The following TAF2 variants were observed in gnomAD, a reference collection of about 807,000 sequenced individuals.
TAF2 encodes TATA-box binding protein associated factor 2.
A neutral mutation model predicts 138.5 loss-of-function variants in TAF2; 61 were observed. That is an observed-to-expected ratio of 0.44 (90% CI 0.36 to 0.54). The LOEUF (loss-of-function observed/expected upper bound fraction) is 0.54, where lower values mean the gene tolerates loss of function less well. TAF2 is among the 20% of genes least tolerant of loss of function. The pLI, the probability that TAF2 is intolerant of heterozygous loss-of-function variation, is 0.00. For missense variants in TAF2, 1,090 were observed against 1,427.9 expected (o/e 0.76, Z 3.81); for synonymous variants, 475 against 469.9 (o/e 1.01, Z -0.14).
chr8:119,778,747 TA>T lies in TAF2; in HGVS notation c.2254-619del, dbSNP rs1283960411. Among the ~76,000 whole-genome samples the T allele has an allele frequency of 3.9e-5, 6 of 152,202 alleles. No homozygotes were observed. The East Asian group carries it at 1.2e-3, about 29-fold the overall frequency. On this transcript the variant is annotated intron_variant, in intron 17 of 25. Coordinates refer to ENST00000378164, the MANE Select transcript of TAF2 (RefSeq NM_003184.4). ...ATGGTAAATTATCTGAAATGCAGCC[TA>T]ATTTTTCTCTTTCCAAATTTTCATA...
At chr8:119,734,428 C>G (rs1404707155) in intron 25 of TAF2, among the ~76,000 whole-genome samples, 2 of 152,166 alleles carry the variant, frequency 1.3e-5, no homozygotes, top group Non-Finnish European at 2.9e-5. Flanking sequence ...ACAGACATCA[C>G]CACAGAAGCT....
chr8:119,764,327 T>A (rs1304555921), intron 18 of TAF2, among the ~76,000 whole-genome samples: 1 of 152,208 alleles, frequency 6.6e-6, no homozygotes, highest in Non-Finnish European at 1.5e-5. Context: ...TCTGAAGTAC[T>A]AAGTCATATA....
chr8:119,810,503 A>G (rs1389918398), intron 3 of TAF2, among the ~76,000 whole-genome samples: 1 of 152,206 alleles, frequency 6.6e-6, no homozygotes, highest in African/African-American at 2.4e-5. Flanking sequence ...CTGTAGTACA[A>G]ATACCTAACA....
chr8:119,781,224 C>T (rs767977651), intron 16 of TAF2, 31 bp from the exon 17 acceptor site: 2 of 1,612,924 alleles, frequency 1.2e-6, no homozygotes, highest in South Asian at 2.2e-5. Flanking sequence ...AAGTAATTTC[C>T]ATTACCAATG....
At chr8:119,735,543 G>A (rs1323588222) in intron 25 of TAF2, among the ~76,000 whole-genome samples, 1 of 152,098 alleles carries the variant, frequency 6.6e-6, no homozygotes, top group African/African-American at 2.4e-5. Flanking sequence ...AAGTTTCTGT[G>A]CTCACTTATT....
chr8:119,749,414 A>G (rs888297155), intron 22 of TAF2, among the ~76,000 whole-genome samples: 1 of 152,214 alleles, frequency 6.6e-6, no homozygotes, highest in Non-Finnish European at 1.5e-5. Context: ...TAAAAAATGA[A>G]TAACAGTACT....
chr8:119,809,610 T>C (rs1192676902), intron 3 of TAF2, among the ~76,000 whole-genome samples: 2 of 152,202 alleles, frequency 1.3e-5, no homozygotes, highest in Non-Finnish European at 2.9e-5. Context: ...TATGAGACTC[T>C]TCCTTTCACT....
chr8:119,815,433 C>G (rs989146453), intron 3 of TAF2, among the ~76,000 whole-genome samples: 2 of 151,816 alleles, frequency 1.3e-5, no homozygotes, highest in African/African-American at 2.4e-5. Context: ...TGCCACCACA[C>G]CTGGCTAATT....
intron 3 of TAF2, among the ~76,000 whole-genome samples, chr8:119,812,069 T>G (rs1470474195): frequency 6.6e-6 from 1 of 152,110 alleles, no homozygotes; most frequent in African/African-American, 2.4e-5. Context: ...CCATTTAAAC[T>G]TTGTTGCACG....
intron 18 of TAF2, among the ~76,000 whole-genome samples, chr8:119,773,560 A>T (rs1821998885): frequency 6.6e-6 from 1 of 151,558 alleles, no homozygotes; most frequent in African/African-American, 2.4e-5. Context: ...AGATACTCAC[A>T]TCTTATGAGG....
chr8:119,772,415 A>G lies in TAF2; in HGVS notation c.2364+5604T>C, dbSNP rs546090248. Among the ~76,000 whole-genome samples the G allele has an allele frequency of 4.6e-5, 7 of 152,330 alleles. No individual in the cohort carries two copies. In the East Asian group the frequency reaches 1.4e-3, roughly 29 times the overall value. On this transcript the variant is annotated intron_variant, in intron 18 of 25. Transcript: ENST00000378164. ...CTAAACAATGGGAACACATGGACAT[A>G]AAGAAGGAAATAATAGAAACTGGGA...
At chr8:119,830,724 T>C (rs745931682) in intron 2 of TAF2, among the ~76,000 whole-genome samples, 4 of 152,200 alleles carry the variant, frequency 2.6e-5, no homozygotes, top group Non-Finnish European at 4.4e-5. Flanking sequence ...GACAGAGAAG[T>C]TGATACCATC....
chr8:119,808,508 C>T (rs117774060), intron 3 of TAF2, among the ~76,000 whole-genome samples: 4,651 of 152,296 alleles, frequency 0.031, 87 homozygotes, highest in South Asian at 0.044. Flanking sequence ...GACCTCCTCC[C>T]TAAATCATGA....
At chr8:119,795,270 A>C (rs1286498626) in intron 9 of TAF2, among the ~76,000 whole-genome samples, 5 of 152,170 alleles carry the variant, frequency 3.3e-5, no homozygotes, top group African/African-American at 1.2e-4. Flanking sequence ...GACTACTATA[A>C]GGAGCTGGGA....
intron 25 of TAF2, among the ~76,000 whole-genome samples, chr8:119,733,956 G>A (rs1473804959): frequency 2.6e-5 from 4 of 152,180 alleles, no homozygotes. Context: ...GTTCACAGCA[G>A]TGGTTCTCAG....
chr8:119,830,119 C>T lies in TAF2; in HGVS notation c.138+1558G>A, dbSNP rs566904348. On this transcript the variant is annotated intron_variant, in intron 2 of 25. Transcript: ENST00000378164. ...TTCACCGTGTTAGCCAGGATGGTTT[C>T]GATCTCCTGACCTCATGATCCACCC... 7.2e-5 allele frequency among the ~76,000 whole-genome samples: 11 copies of T among 151,952 alleles called. No individual in the cohort carries two copies. The South Asian group carries it at 1.9e-3, about 26-fold the overall frequency.
rs4871634 is a variant in TAF2, at chr8:119,806,243, G to A, written c.418+40C>T. 471,904 of 1,515,860 alleles carry A rather than the reference G, an allele frequency of 0.31. 78,521 individuals carry two copies. Among genetic ancestry groups the A allele is most frequent in the Admixed American group, 0.48 (28,566 of 59,758 alleles). The allele number at this position is 1,515,860 out of a possible 1,614,324, so 93.9% of individuals were successfully genotyped here. A position where few individuals can be genotyped will look rare whatever the true frequency, so the allele number is the denominator to read the frequency against. Reference sequence around the variant, plus strand: ...AAATTCTCTAGTGTCTGAATCTAACGTGATTTTAGTGTACAGTCAATATAC... The same window carrying A: ...AAATTCTCTAGTGTCTGAATCTAACATGATTTTAGTGTACAGTCAATATAC... On this transcript the variant is annotated intron_variant, in intron 4 of 25. Transcript: ENST00000378164.
At chr8:119,816,694 A>G (rs558407110) in intron 3 of TAF2, among the ~76,000 whole-genome samples, 16 of 152,298 alleles carry the variant, frequency 1.1e-4, no homozygotes, top group South Asian at 4.1e-4. Flanking sequence ...TGTCTTTTTC[A>G]TATCTAACTG....
rs755431900 is a variant in TAF2, at chr8:119,806,274, G to A, written c.418+9C>T. The A allele has an allele frequency of 6.2e-7, 1 of 1,606,322 alleles. No individual in the cohort carries two copies. The highest frequency in any genetic ancestry group is 8.5e-7 in the Non-Finnish European group (1 of 1,173,096). On this transcript the variant is annotated intron_variant, in intron 4 of 25. Coordinates refer to ENST00000378164, the MANE Select transcript of TAF2 (RefSeq NM_003184.4). ...TTAGTGTACAGTCAATATACTCTTG[G>A]TGCTTTACCATCAACGTGTTTCCAT...
Sources: allele counts gnomAD v4.1 joint callset (sites outside exome capture counted in the v4.1 genomes callset), GRCh38; gene constraint gnomAD v4.1.1; transcripts MANE v1.5; gene names NCBI Gene and HGNC (gene_info 2026-07-23, HGNC 2026-07-21).